The following ATP7A variants were observed in gnomAD, a reference collection of about 807,000 sequenced individuals.
ATP7A encodes copper-transporting ATPase 1.
In ATP7A, 7 loss-of-function variants were observed where a neutral mutation model predicts 83.5. The ratio of observed to expected loss-of-function variants is 0.08; its 90% confidence interval spans 0.05 to 0.16. The LOEUF (loss-of-function observed/expected upper bound fraction) is 0.16, where lower values mean the gene tolerates loss of function less well. Ranked by LOEUF, ATP7A falls within the 10% of genes least tolerant of loss-of-function variation. ATP7A has a pLI of 1.00. For missense variants in ATP7A, 940 were observed against 1,120.8 expected (o/e 0.84, Z 2.30); for synonymous variants, 354 against 395.2 (o/e 0.90, Z 1.24).
chrX:77,936,239 A>G (rs1368795791), intron 1 of ATP7A, among the ~76,000 whole-genome samples: 1 of 111,891 alleles, frequency 8.9e-6, no homozygotes, highest in African/African-American at 3.2e-5. Flanking sequence ...TCTCTTGGAA[A>G]TGGACCCCTC....
intron 2 of ATP7A, among the ~76,000 whole-genome samples, chrX:77,984,413 C>A (rs2077623561): frequency 9.1e-6 from 1 of 110,114 alleles, no homozygotes; most frequent in East Asian, 2.8e-4. Context: ...CTGCAACCTC[C>A]ACCTCCCGAG....
At chrX:77,954,886 A>G (rs1332715429) in intron 1 of ATP7A, among the ~76,000 whole-genome samples, 1 of 111,468 alleles carries the variant, frequency 9.0e-6, no homozygotes, top group African/African-American at 3.3e-5. Flanking sequence ...TTACTTATTG[A>G]ATTATTTCAG....
intron 9 of ATP7A, among the ~76,000 whole-genome samples, chrX:78,012,166 G>GT (rs2077831446): frequency 9.0e-6 from 1 of 110,904 alleles, no homozygotes; most frequent in African/African-American, 3.3e-5. Context: ...CTTTCTGTAT[G>GT]TTTTAAACTC....
At position 77,989,502 on chromosome X, in the gene ATP7A, A is replaced by T. The variant is rs150526992; in HGVS notation, c.880A>T (p.Asn294Tyr). 1.0e-4 allele frequency: 127 copies of T among 1,210,214 alleles called. No individual in the cohort carries two copies. In the African/African-American group the frequency reaches 2.0e-3, roughly 19 times the overall value. ...CATGCATTGTAAATCATGTGTGTCAAATATTGAAAGTACTTTATCTGCACT... is the reference window on the plus strand; with the variant it reads ...CATGCATTGTAAATCATGTGTGTCATATATTGAAAGTACTTTATCTGCACT... The part of the protein sequence containing the change: ...DGMHCKSCVS[N>Y]IESTLSALQY... The change falls in exon 4 of 23, where the codon AAT becomes TAT. Residue 294 changes from asparagine (N) to tyrosine (Y), a missense_variant. Asn to Tyr is a moderately radical substitution (Grantham distance 143). Around this residue, in one of 3 missense-constraint regions of ATP7A, gnomAD observed 350 missense variants for 432.8 expected, o/e 0.81. Coordinates refer to ENST00000341514, the MANE Select transcript of ATP7A (RefSeq NM_000052.7).
intron 1 of ATP7A, among the ~76,000 whole-genome samples, chrX:77,965,053 C>G (rs1390382352): frequency 9.7e-6 from 1 of 102,819 alleles, no homozygotes; most frequent in Non-Finnish European, 2.0e-5. Context: ...AAGCACTGGA[C>G]TTTTTTTTTT....
intron 1 of ATP7A, among the ~76,000 whole-genome samples, chrX:77,957,927 C>T (rs1557227598): frequency 9.0e-6 from 1 of 111,131 alleles, no homozygotes; most frequent in Non-Finnish European, 1.9e-5. Context: ...TTTGTCCTTT[C>T]CAAATCTCAT....
rs782422245 is a variant in ATP7A, at chrX:78,043,287, T to C, written c.4006-30T>C. The stretch of plus-strand genomic sequence containing the variant: ...AGTTACTGGTTAAGTTAGAGTCTCT[T>C]ACTAATATCACAAATATTTCTGTTC... On this transcript the variant is annotated intron_variant, in intron 20 of 22. Coordinates refer to ENST00000341514, the MANE Select transcript of ATP7A (RefSeq NM_000052.7). 4.8e-6 allele frequency: 5 copies of C among 1,049,898 alleles called. No individual in the cohort carries two copies. The Admixed American group carries it at 8.8e-5, about 18-fold the overall frequency. The allele number at this position is 1,049,898 out of a possible 1,213,427, so 86.5% of individuals were successfully genotyped here.
chrX:77,994,411 G>C (rs1031009185), intron 4 of ATP7A, among the ~76,000 whole-genome samples: 1 of 111,769 alleles, frequency 8.9e-6, no homozygotes, highest in African/African-American at 3.3e-5. Context: ...AATGTGAGCA[G>C]AGTAAAAGCA....
Position 78,046,667 on chromosome X carries a change from C to A in ATP7A, c.*97C>A. The A allele has an allele frequency of 9.2e-7, 1 of 1,085,579 alleles. No individual in the cohort carries two copies. The highest frequency in any genetic ancestry group is 1.9e-5 in the South Asian group (1 of 53,095). The allele number at this position is 1,085,579 out of a possible 1,213,427, so 89.5% of individuals were successfully genotyped here. On this transcript the variant is annotated 3_prime_UTR_variant, in exon 23 of 23. Transcript: ENST00000341514. ...TTCAAAATATTGTAGAAGGATTTTT[C>A]TCATGCTCTTATATTAGGGATTCTA...
At chrX:77,914,271 G>A (rs887452132) in intron 1 of ATP7A, among the ~76,000 whole-genome samples, 2 of 110,738 alleles carry the variant, frequency 1.8e-5, no homozygotes, top group African/African-American at 3.3e-5. Flanking sequence ...ATTTTTAAGA[G>A]ATGGGGTCTT....
At chrX:77,996,391 G>T (rs1356332389) in intron 4 of ATP7A, among the ~76,000 whole-genome samples, 2 of 112,262 alleles carry the variant, frequency 1.8e-5, no homozygotes, top group Non-Finnish European at 3.8e-5. Context: ...ATCATTTGTA[G>T]TTGTTGCCTC....
At chrX:77,926,979 A>G (rs1266153603) in intron 1 of ATP7A, among the ~76,000 whole-genome samples, 1 of 111,951 alleles carries the variant, frequency 8.9e-6, no homozygotes, top group Non-Finnish European at 1.9e-5. Context: ...CCAGGATTAC[A>G]GGCATGAGCC....
At chrX:78,031,072 C>G (rs2077980715) in intron 15 of ATP7A, among the ~76,000 whole-genome samples, 1 of 111,345 alleles carries the variant, frequency 9.0e-6, no homozygotes, top group African/African-American at 3.3e-5. Context: ...GAAAGCCTTT[C>G]TTTTTTACCT....
intron 1 of ATP7A, among the ~76,000 whole-genome samples, chrX:77,929,675 C>T (rs1387906922): frequency 9.5e-6 from 1 of 105,042 alleles, no homozygotes; most frequent in Non-Finnish European, 1.9e-5. Context: ...ATTATGTTGC[C>T]CAGGCTGGTC....
chrX:77,946,847 G>A, intron 1 of ATP7A, among the ~76,000 whole-genome samples: 1 of 110,399 alleles, frequency 9.1e-6, no homozygotes, highest in African/African-American at 3.3e-5. Flanking sequence ...CAGTATGGTG[G>A]TTCCTAAAAA....
chrX:77,975,207 C>A (rs926992605), intron 2 of ATP7A, among the ~76,000 whole-genome samples: 13 of 111,493 alleles, frequency 1.2e-4, no homozygotes, highest in South Asian at 3.7e-4. Flanking sequence ...ATACCAGTTG[C>A]CATTTCTAAG....
At chrX:78,022,723 G>C (rs1295080204) in intron 14 of ATP7A, among the ~76,000 whole-genome samples, 1 of 110,335 alleles carries the variant, frequency 9.1e-6, no homozygotes, top group Admixed American at 9.7e-5. Flanking sequence ...TCGCCATGTT[G>C]GTCAGGCTGG....
At chrX:77,983,333 G>T (rs1444065680) in intron 2 of ATP7A, among the ~76,000 whole-genome samples, 2 of 112,189 alleles carry the variant, frequency 1.8e-5, no homozygotes, top group African/African-American at 6.5e-5. Context: ...GCCCTCAGAG[G>T]TAGGGTAATT....
intron 12 of ATP7A, among the ~76,000 whole-genome samples, chrX:78,018,141 A>G (rs2077881367): frequency 9.2e-6 from 1 of 108,712 alleles, no homozygotes; most frequent in South Asian, 4.1e-4. Context: ...TAAGTTCCTC[A>G]TCTCCATCTG....
Sources: gnomAD v4.1 joint callset for allele counts (sites outside exome capture counted in the v4.1 genomes callset) on GRCh38, gnomAD v4.1.1 for gene constraint, gnomAD v4.1.1 regional missense constraint, MANE v1.5 for transcripts, NCBI Gene and HGNC (gene_info 2026-07-23, HGNC 2026-07-21) for gene names.